CDH22: variants seen among roughly 807,000 people sequenced by gnomAD.
The protein encoded by CDH22 is cadherin-22.
Under a neutral mutation model 58.4 loss-of-function variants are expected in CDH22, and 30 were observed. The ratio of observed to expected loss-of-function variants is 0.51; its 90% confidence interval spans 0.38 to 0.70. The LOEUF (loss-of-function observed/expected upper bound fraction) is 0.70, where lower values mean the gene tolerates loss of function less well. Among genes scored for constraint, CDH22 ranks in the 30% least tolerant of loss-of-function variants. The pLI is 0.00. For synonymous variants in CDH22, 513 were observed against 558.2 expected (o/e 0.92, Z 1.14); for missense variants, 1,014 against 1,233.9 (o/e 0.82, Z 2.67).
intron 4 of CDH22, among the ~76,000 whole-genome samples, chr20:46,218,017 G>C (rs1245294614): frequency 6.6e-6 from 1 of 151,546 alleles, no homozygotes; most frequent in Non-Finnish European, 1.5e-5. Context: ...ACCTCCTCCC[G>C]GGTTCAAGCA....
At chr20:46,215,542 G>A (rs1220581385) in intron 5 of CDH22, among the ~76,000 whole-genome samples, 2 of 152,212 alleles carry the variant, frequency 1.3e-5, no homozygotes, top group East Asian at 1.9e-4. Context: ...TTGGGGAAGA[G>A]GCTATGATCA....
At chr20:46,196,735 A>G (rs941895227) in intron 8 of CDH22, among the ~76,000 whole-genome samples, 2 of 152,176 alleles carry the variant, frequency 1.3e-5, no homozygotes, top group African/African-American at 4.8e-5. Flanking sequence ...AGATGGCAGT[A>G]GAATGGACAC....
intron 1 of CDH22, among the ~76,000 whole-genome samples, chr20:46,298,966 A>G (rs992197207): frequency 1.3e-5 from 2 of 152,078 alleles, no homozygotes; most frequent in African/African-American, 4.8e-5. Flanking sequence ...TATCTCCTGG[A>G]CAATTTCAGC....
intron 10 of CDH22, among the ~76,000 whole-genome samples, chr20:46,180,340 C>T (rs1326259963): frequency 6.6e-6 from 1 of 152,170 alleles, no homozygotes; most frequent in Middle Eastern, 3.2e-3. Context: ...AATCTCAGGC[C>T]CCTTGGGTTG....
At chr20:46,183,324 T>C (rs1414094719) in intron 10 of CDH22, among the ~76,000 whole-genome samples, 2 of 152,194 alleles carry the variant, frequency 1.3e-5, no homozygotes, top group Non-Finnish European at 2.9e-5. Flanking sequence ...CCTGGTGTAG[T>C]AAAGTTTCCA....
chr20:46,210,535 A>G lies in CDH22; in HGVS notation c.1058T>C (p.Val353Ala), dbSNP rs1324778520. The G allele has an allele frequency of 7.0e-7, 1 of 1,430,870 alleles. No homozygotes were observed. The highest frequency in any genetic ancestry group is 9.2e-7 in the Non-Finnish European group (1 of 1,089,310). 88.6% of individuals were successfully genotyped at this position (1,430,870 alleles called of 1,614,324 possible). A position where few individuals can be genotyped will look rare whatever the true frequency, so the allele number is the denominator to read the frequency against. The change falls in exon 7 of 12, where the codon GTG becomes GCG. Residue 353 changes from valine to alanine, a missense_variant. This residue lies in a region of CDH22 where 806 missense variants were observed against 1,038.7 expected (regional missense o/e 0.78). Transcript: ENST00000537909. The surrounding 1 kb of genome is among the most constrained non-coding windows in gnomAD (Gnocchi z 4.5). ...GAGGGCCTCCAGGATCACGGTGTGC[A>G]CGGGCTGGGATTCGAAGTCCAGGCG... Reference protein sequence around the residue: ...QKRLDFESQPVHTVILEALNK... With the variant: ...QKRLDFESQPAHTVILEALNK...
chr20:46,294,267 C>T (rs2086619064), intron 1 of CDH22, among the ~76,000 whole-genome samples: 2 of 152,158 alleles, frequency 1.3e-5, no homozygotes, highest in South Asian at 4.1e-4. Context: ...CCTTGAGTCT[C>T]TGGTTGCAAA....
chr20:46,256,469 G>C (rs2086407053), intron 1 of CDH22, among the ~76,000 whole-genome samples: 1 of 152,160 alleles, frequency 6.6e-6, no homozygotes, highest in South Asian at 2.1e-4. Context: ...TTCAAGCTGA[G>C]GCAACAGCAG....
chr20:46,276,118 G>T (rs971539143), intron 1 of CDH22, among the ~76,000 whole-genome samples: 3 of 152,220 alleles, frequency 2.0e-5, no homozygotes, highest in Non-Finnish European at 4.4e-5. Context: ...GTGCCAGGCT[G>T]CAGAGGACTT....
At chr20:46,223,629 T>TC (rs1555803307) in intron 4 of CDH22, among the ~76,000 whole-genome samples, 53 of 145,400 alleles carry the variant, frequency 3.6e-4, no homozygotes, top group African/African-American at 1.2e-3. Context: ...TTTCTTTCTT[T>TC]TTTCTTTCTT....
Position 46,174,794 on chromosome 20 carries a change from C to T in CDH22, c.2199G>A (p.Leu733=). ...GCTCGGGGCTCGGCGGCCCCTGCGG[C>T]AGCGAGTGGCGCTCGGAGGGCAGGT... ...QAHLPSERHS[L]PQGPPSPEPD... is the part of the protein sequence containing the mutation. Residue 733 remains leucine, a synonymous_variant, in exon 12 of 12, where the codon CTG becomes CTA. Coordinates refer to ENST00000537909, the MANE Select transcript of CDH22 (RefSeq NM_021248.3). The surrounding 1 kb of genome is among the most constrained non-coding windows in gnomAD (Gnocchi z 4.4). The T allele has an allele frequency of 6.7e-7, 1 of 1,494,856 alleles. No homozygotes were observed. The highest frequency in any genetic ancestry group is 8.9e-7 in the Non-Finnish European group (1 of 1,128,460). The allele number at this position is 1,494,856 out of a possible 1,614,324, so 92.6% of individuals were successfully genotyped here.
chr20:46,198,287 G>GAGACACAC (rs1555801445), intron 8 of CDH22, among the ~76,000 whole-genome samples: 1 of 128,632 alleles, frequency 7.8e-6, no homozygotes, highest in Non-Finnish European at 1.6e-5. Context: ...GCACCAAAAA[G>GAGACACAC]ACACACACAC....
intron 2 of CDH22, among the ~76,000 whole-genome samples, chr20:46,243,802 T>C (rs1277691655): frequency 6.6e-6 from 1 of 152,222 alleles, no homozygotes; most frequent in Non-Finnish European, 1.5e-5. Context: ...AGATGCCATT[T>C]GAAGAGATGC....
intron 8 of CDH22, among the ~76,000 whole-genome samples, chr20:46,197,996 C>T (rs1402738864): frequency 6.6e-6 from 1 of 152,066 alleles, no homozygotes; most frequent in Non-Finnish European, 1.5e-5. Flanking sequence ...TGCCTACCCG[C>T]CTGCAGCTCA....
intron 7 of CDH22, among the ~76,000 whole-genome samples, chr20:46,203,740 G>A (rs2085978475): frequency 6.6e-6 from 1 of 152,236 alleles, no homozygotes. Context: ...CCCCAACCCA[G>A]TGTGTGGCTT....
At chr20:46,294,202 A>G (rs1279615494) in intron 1 of CDH22, among the ~76,000 whole-genome samples, 1 of 152,138 alleles carries the variant, frequency 6.6e-6, no homozygotes, top group Non-Finnish European at 1.5e-5. Flanking sequence ...GCAGGACTGG[A>G]TGTCCTCATT....
chr20:46,273,092 T>C (rs2086500531), intron 1 of CDH22, among the ~76,000 whole-genome samples: 1 of 152,240 alleles, frequency 6.6e-6, no homozygotes, highest in Non-Finnish European at 1.5e-5. Flanking sequence ...GTGAATCCTT[T>C]GGAGTTCCAG....
rs1377532330 is a variant in CDH22, at chr20:46,308,409, G to T, written c.-554C>A. On this transcript the variant is annotated 5_prime_UTR_variant, in exon 1 of 12. Transcript: ENST00000537909. The surrounding 1 kb of genome is among the most constrained non-coding windows in gnomAD (Gnocchi z 4.3). ...GAGCGAGAGGGGGAGCCGCGGCGGC[G>T]TGTGCGCGCGTGTGTGTGAGCGAGA... 2 of 212,328 alleles carry T rather than the reference G, an allele frequency of 9.4e-6. No individual in the cohort carries two copies. The highest frequency in any genetic ancestry group is 1.9e-5 in the Non-Finnish European group (2 of 105,088). The allele number at this position is 212,328 out of a possible 1,614,324, so 13.2% of individuals were successfully genotyped here. A position where few individuals can be genotyped will look rare whatever the true frequency, so the allele number is the denominator to read the frequency against.
intron 1 of CDH22, among the ~76,000 whole-genome samples, chr20:46,260,946 A>G (rs1273272996): frequency 1.3e-5 from 2 of 152,144 alleles, no homozygotes; most frequent in Admixed American, 6.5e-5. Flanking sequence ...AGTAGAACAG[A>G]TTTTGTGGAG....
Sources: allele counts gnomAD v4.1 joint callset (sites outside exome capture counted in the v4.1 genomes callset), GRCh38; gene constraint gnomAD v4.1.1; regional missense constraint gnomAD v4.1.1; non-coding constraint Gnocchi (gnomAD v3.1); transcripts MANE v1.5; gene names NCBI Gene and HGNC (gene_info 2026-07-23, HGNC 2026-07-21).